The following SPAG9 variants were observed in gnomAD, a reference collection of about 807,000 sequenced individuals.
The protein encoded by SPAG9 is C-Jun-amino-terminal kinase-interacting protein 4.
SPAG9 carries 35 observed loss-of-function variants against 166.5 expected under a neutral mutation model. The ratio of observed to expected loss-of-function variants is 0.21; its 90% CI spans 0.16 to 0.28. The LOEUF (loss-of-function observed/expected upper bound fraction) is 0.28, where lower values mean the gene tolerates loss of function less well. Ranked by LOEUF, SPAG9 falls within the 10% of genes least tolerant of loss-of-function variation. SPAG9 has a pLI of 1.00. For synonymous variants in SPAG9, 534 were observed against 565.5 expected (o/e 0.94, Z 0.79); for missense variants, 1,235 against 1,603.3 (o/e 0.77, Z 3.92).
At chr17:51,004,553 C>G (rs2045113018) in intron 12 of SPAG9, among the ~76,000 whole-genome samples, 1 of 152,108 alleles carries the variant, frequency 6.6e-6, no homozygotes, top group African/African-American at 2.4e-5. Flanking sequence ...GCCTGGCCAA[C>G]AAGGCAAAAT....
intron 1 of SPAG9, among the ~76,000 whole-genome samples, chr17:51,103,194 G>A (rs957296593): frequency 2.6e-5 from 4 of 152,122 alleles, no homozygotes; most frequent in African/African-American, 4.8e-5. Context: ...AACTTTAAAT[G>A]GTTAGTCTTA....
intron 4 of SPAG9, among the ~76,000 whole-genome samples, chr17:51,043,940 T>C (rs2046932679): frequency 6.6e-6 from 1 of 152,092 alleles, no homozygotes; most frequent in Non-Finnish European, 1.5e-5. Flanking sequence ...AAATCTACAA[T>C]CAACAGTCAA....
intron 15 of SPAG9, among the ~76,000 whole-genome samples, chr17:50,997,447 A>G (rs540035212): frequency 6.6e-6 from 1 of 152,358 alleles, no homozygotes; most frequent in South Asian, 2.1e-4. Flanking sequence ...AGGAAGATTG[A>G]TATAGGTTAG....
intron 22 of SPAG9, 131 bp downstream of exon 22, chr17:50,986,981 T>G (rs1010136227): frequency 1.3e-6 from 1 of 798,850 alleles, no homozygotes; most frequent in Non-Finnish European, 1.9e-6. Context: ...TAACATCAAA[T>G]TGTGTGTATA....
At chr17:50,969,082 G>A (rs112686650) in intron 29 of SPAG9, among the ~76,000 whole-genome samples, 6 of 151,986 alleles carry the variant, frequency 3.9e-5, no homozygotes, top group South Asian at 2.1e-4. Flanking sequence ...ACAGGTACAC[G>A]GCATCACGCT....
intron 5 of SPAG9, chr17:51,040,395 A>G (rs1286677168): frequency 6.6e-6 from 1 of 152,204 alleles, no homozygotes; most frequent in Non-Finnish European, 1.5e-5. Context: ...TTTCAGTGGG[A>G]GAAAAGCTAT....
chr17:51,021,198 A>G lies in SPAG9; in HGVS notation c.951T>C (p.Ile317=). ...APNKSEISKH[I]EVQVAQETRN... ...TAGTTTCCTGGGCTACCTGTACTTC[A>G]ATGTGTTTGCTTATCTCTGATTTAT... The change falls in exon 7 of 30, where the codon ATT becomes ATC. Residue 317 remains isoleucine (I), a synonymous_variant. Transcript: ENST00000262013. 2 of 1,614,010 alleles carry G rather than the reference A, an allele frequency of 1.2e-6. No individual in the cohort carries two copies. Among genetic ancestry groups the G allele is most frequent in the Non-Finnish European group, 1.7e-6 (2 of 1,179,978 alleles).
At chr17:51,072,639 G>A (rs1346597036) in intron 2 of SPAG9, among the ~76,000 whole-genome samples, 4 of 151,554 alleles carry the variant, frequency 2.6e-5, no homozygotes, top group African/African-American at 4.8e-5. Flanking sequence ...AGCCGAGATC[G>A]CGCCACTGCA....
intron 26 of SPAG9, among the ~76,000 whole-genome samples, 166 bp from the exon 27 acceptor site, chr17:50,977,387 GT>G (rs1349590842): frequency 2.0e-5 from 3 of 152,134 alleles, no homozygotes; most frequent in Admixed American, 6.5e-5. Context: ...CTAGATGGAT[GT>G]TTCCTGAAGG....
At chr17:51,079,790 C>T in intron 1 of SPAG9, 86 bp from the exon 2 acceptor site, 1 of 918,674 alleles carries the variant, frequency 1.1e-6, no homozygotes. Flanking sequence ...TCAATAATCA[C>T]AATTAGGTAT....
At chr17:51,105,652 G>A (rs1225779189) in intron 1 of SPAG9, among the ~76,000 whole-genome samples, 8 of 151,496 alleles carry the variant, frequency 5.3e-5, no homozygotes, top group African/African-American at 1.5e-4. Context: ...GGCAGATCAC[G>A]AGGTCAGGAG....
At chr17:51,063,086 A>G (rs984143669) in intron 2 of SPAG9, among the ~76,000 whole-genome samples, 20 of 152,300 alleles carry the variant, frequency 1.3e-4, no homozygotes, top group African/African-American at 4.8e-4. Context: ...GTATTTTAAG[A>G]TATTTTCAAC....
At chr17:51,007,780 G>C (rs1330993014) in intron 9 of SPAG9, 2 of 432,452 alleles carry the variant, frequency 4.6e-6, no homozygotes, top group African/African-American at 4.1e-5. Flanking sequence ...TATTAATAGA[G>C]AACAGGCAAA....
intron 23 of SPAG9, 135 bp downstream of exon 23, chr17:50,985,563 T>A: frequency 1.0e-5 from 6 of 576,994 alleles, no homozygotes; most frequent in Non-Finnish European, 1.8e-5. Context: ...TCTAGTTCCA[T>A]AAAAAGGGTT....
intron 5 of SPAG9, among the ~76,000 whole-genome samples, chr17:51,040,881 T>C (rs2046812923): frequency 6.6e-6 from 1 of 152,204 alleles, no homozygotes; most frequent in Non-Finnish European, 1.5e-5. Context: ...GAATATTTCA[T>C]TTTAAAAGAT....
chr17:50,990,774 A>C (rs1975477333), intron 19 of SPAG9, 106 bp from the exon 20 acceptor site: 1 of 806,556 alleles, frequency 1.2e-6, no homozygotes, highest in African/African-American at 1.7e-5. Flanking sequence ...GGTGAGATGT[A>C]CAGGTAGTTG....
At chr17:51,032,409 C>G (rs558595167) in intron 5 of SPAG9, among the ~76,000 whole-genome samples, 8 of 152,324 alleles carry the variant, frequency 5.3e-5, no homozygotes, top group African/African-American at 1.9e-4. Context: ...AGTGATCCAT[C>G]TTCCTTGGCC....
chr17:51,082,331 T>G (rs2048187031), intron 1 of SPAG9, among the ~76,000 whole-genome samples: 1 of 135,316 alleles, frequency 7.4e-6, no homozygotes, highest in South Asian at 2.2e-4. Flanking sequence ...GCCTAGATTG[T>G]GCCACTGCAG....
chr17:51,097,710 A>G (rs2048685127), intron 1 of SPAG9, among the ~76,000 whole-genome samples: 1 of 152,140 alleles, frequency 6.6e-6, no homozygotes, highest in African/African-American at 2.4e-5. Flanking sequence ...TCAAGTAGAC[A>G]GTGTCAGTAT....
Sources: allele counts gnomAD v4.1 joint callset (sites outside exome capture counted in the v4.1 genomes callset), GRCh38; gene constraint gnomAD v4.1.1; transcripts MANE v1.5; gene names NCBI Gene and HGNC (gene_info 2026-07-23, HGNC 2026-07-21).